The following GRIK2 variants were observed in gnomAD, a reference collection of about 807,000 sequenced individuals.
GRIK2 encodes glutamate ionotropic receptor kainate type subunit 2.
GRIK2 carries 32 observed loss-of-function variants against 100.3 expected under a neutral mutation model. The observed-to-expected ratio is 0.32, with a 90% CI of 0.24 to 0.43. The LOEUF is 0.43. Ranked by LOEUF, GRIK2 falls within the 20% of genes least tolerant of loss-of-function variation. The pLI, the probability that GRIK2 is intolerant of heterozygous loss-of-function variation, is 1.00. For missense variants in GRIK2, 843 were observed against 1,114.9 expected, an observed-to-expected ratio of 0.76 and a Z score of 3.47; for synonymous variants, 417 against 389.4, an observed-to-expected ratio of 1.07 and a Z score of -0.83.
chr6:101,747,105 C>A (rs527831456), intron 7 of GRIK2, among the ~76,000 whole-genome samples: 5 of 152,246 alleles, frequency 3.3e-5, no homozygotes, highest in African/African-American at 1.2e-4. Flanking sequence ...AGTCACAAAT[C>A]CCCACCAAGT....
intron 10 of GRIK2, among the ~76,000 whole-genome samples, chr6:101,826,077 C>T (rs1422440869): frequency 6.6e-6 from 1 of 151,734 alleles, no homozygotes; most frequent in Admixed American, 6.6e-5. Context: ...TCACCCCAGC[C>T]AGAGGTGTGT....
intron 12 of GRIK2, among the ~76,000 whole-genome samples, chr6:101,897,689 T>C (rs1787559784): frequency 6.6e-6 from 1 of 151,946 alleles, no homozygotes; most frequent in Non-Finnish European, 1.5e-5. Flanking sequence ...AAGTGAAGTC[T>C]GTGCAGGAAG....
At chr6:101,481,305 A>G (rs1772517623) in intron 2 of GRIK2, among the ~76,000 whole-genome samples, 1 of 152,172 alleles carries the variant, frequency 6.6e-6, no homozygotes, top group Admixed American at 6.6e-5. Context: ...CAGCCAGTGC[A>G]CTCTAAGCAA....
At chr6:101,535,505 G>A (rs1300498481) in intron 2 of GRIK2, among the ~76,000 whole-genome samples, 1 of 151,592 alleles carries the variant, frequency 6.6e-6, no homozygotes, top group Admixed American at 6.6e-5. Flanking sequence ...TGGGAAATCG[G>A]GAATAACAAA....
chr6:101,516,407 A>G (rs980701083), intron 2 of GRIK2, among the ~76,000 whole-genome samples: 6 of 152,068 alleles, frequency 3.9e-5, no homozygotes, highest in Non-Finnish European at 8.8e-5. Flanking sequence ...CCAATGGAAC[A>G]GAACAGAGAA....
chr6:101,815,560 A>G (rs1781582409), intron 9 of GRIK2, among the ~76,000 whole-genome samples: 1 of 151,972 alleles, frequency 6.6e-6, no homozygotes, highest in Non-Finnish European at 1.5e-5. Context: ...TAGAGTCACC[A>G]TATATAAAAC....
intron 2 of GRIK2, among the ~76,000 whole-genome samples, chr6:101,513,833 A>G (rs1014363344): frequency 5.4e-5 from 5 of 93,016 alleles, no homozygotes; most frequent in Admixed American, 5.3e-4. Context: ...ATAAGTATTT[A>G]TCTTAAAACA....
intron 2 of GRIK2, among the ~76,000 whole-genome samples, chr6:101,449,121 C>G (rs1035937033): frequency 1.3e-5 from 2 of 151,410 alleles, no homozygotes; most frequent in South Asian, 2.1e-4. Flanking sequence ...ATTCACATAT[C>G]AAGAAATACA....
At chr6:101,853,394 G>A (rs759945624) in intron 10 of GRIK2, among the ~76,000 whole-genome samples, 10 of 152,114 alleles carry the variant, frequency 6.6e-5, no homozygotes, top group East Asian at 5.8e-4. Context: ...AGACATCACC[G>A]TATACCCTCA....
intron 2 of GRIK2, among the ~76,000 whole-genome samples, chr6:101,596,929 C>G (rs1164911493): frequency 1.3e-5 from 2 of 151,790 alleles, no homozygotes; most frequent in Non-Finnish European, 2.9e-5. Context: ...GCCAAAAAGA[C>G]ACATGCACTT....
At chr6:101,740,537 C>T (rs1775956792) in intron 7 of GRIK2, among the ~76,000 whole-genome samples, 1 of 152,052 alleles carries the variant, frequency 6.6e-6, no homozygotes, top group African/African-American at 2.4e-5. Flanking sequence ...GTAACTTTTG[C>T]TCTTGTTTTT....
Position 101,891,031 on chromosome 6 carries a change from A to C in GRIK2, c.1748+1168A>C, listed in dbSNP as rs941829725. On this transcript the variant is annotated intron_variant, in intron 12 of 16. Transcript: ENST00000369134. ...TTTTGTGCTGTATAAACAAAATTAA[A>C]TATGCAGTGCCTTTTCAATTACATT... 2.0e-4 allele frequency among the ~76,000 whole-genome samples: 30 copies of C among 151,432 alleles called. 1 individual carries two copies. The highest frequency in any genetic ancestry group is 7.2e-4 in the African/African-American group (30 of 41,494).
intron 2 of GRIK2, among the ~76,000 whole-genome samples, chr6:101,605,267 A>C (rs1298306249): frequency 1.3e-5 from 2 of 151,912 alleles, no homozygotes; most frequent in Non-Finnish European, 2.9e-5. Flanking sequence ...TTGATTACTC[A>C]TCTGAAAAAT....
chr6:101,830,753 T>G (rs1178325501), intron 10 of GRIK2, among the ~76,000 whole-genome samples: 1 of 151,708 alleles, frequency 6.6e-6, no homozygotes, highest in Non-Finnish European at 1.5e-5. Context: ...AAGGTAATGC[T>G]TACATTGTTG....
chr6:101,438,326 G>A (rs1307198082), intron 2 of GRIK2, among the ~76,000 whole-genome samples: 3 of 152,052 alleles, frequency 2.0e-5, no homozygotes, highest in African/African-American at 7.2e-5. Context: ...CAACTGAAAT[G>A]TTTTAATTTT....
chr6:101,500,097 C>T (rs1466675956), intron 2 of GRIK2, among the ~76,000 whole-genome samples: 1 of 152,014 alleles, frequency 6.6e-6, no homozygotes, highest in South Asian at 2.1e-4. Context: ...AAGTGAAATG[C>T]TTTGACACAG....
chr6:101,794,055 C>T (rs555019144), intron 7 of GRIK2, among the ~76,000 whole-genome samples: 3 of 152,164 alleles, frequency 2.0e-5, no homozygotes, highest in Admixed American at 6.5e-5. Context: ...TTTCCTAAGC[C>T]CGTCAGAAAA....
intron 14 of GRIK2, among the ~76,000 whole-genome samples, chr6:101,962,049 G>A (rs1207102969): frequency 6.6e-6 from 1 of 152,046 alleles, no homozygotes; most frequent in Admixed American, 6.5e-5. Context: ...GGTTCATGAG[G>A]GCAGAGGGGC....
chr6:101,953,702 G>A (rs1791739912), intron 14 of GRIK2, among the ~76,000 whole-genome samples: 1 of 152,032 alleles, frequency 6.6e-6, no homozygotes, highest in Admixed American at 6.5e-5. Context: ...TTCCATTCTT[G>A]GGTTATCATT....
Sources: allele counts gnomAD v4.1 joint callset (sites outside exome capture counted in the v4.1 genomes callset), GRCh38; gene constraint gnomAD v4.1.1; transcripts MANE v1.5; gene names NCBI Gene and HGNC (gene_info 2026-07-23, HGNC 2026-07-21).